Variants in RUNX1 observed in about 807,000 individuals in gnomAD.
The protein encoded by RUNX1 is RUNX family transcription factor 1, also known as runt-related transcription factor 1.
RUNX1 carries 19 observed loss-of-function variants against 42.8 expected under a neutral mutation model. The ratio of observed to expected loss-of-function variants is 0.44; its 90% CI spans 0.31 to 0.65. The LOEUF (loss-of-function observed/expected upper bound fraction) is 0.65, where lower values mean the gene tolerates loss of function less well. Ranked by LOEUF, RUNX1 falls within the 30% of genes least tolerant of loss-of-function variation. The probability of loss-of-function intolerance (pLI) is 0.07; values close to 1 mark genes in which losing one functional copy is unlikely to be tolerated. For missense variants in RUNX1, 528 were observed against 672.0 expected, an observed-to-expected ratio of 0.79 and a Z score of 2.37; for synonymous variants, 271 against 289.4, an observed-to-expected ratio of 0.94 and a Z score of 0.64.
At chr21:35,042,125 T>C (rs935784111) in intron 2 of RUNX1, among the ~76,000 whole-genome samples, 5 of 152,186 alleles carry the variant, frequency 3.3e-5, no homozygotes, top group Non-Finnish European at 7.3e-5. Context: ...TCATTCTAAC[T>C]TGAGGAGACG....
At chr21:35,036,082 G>A (rs917325279) in intron 2 of RUNX1, among the ~76,000 whole-genome samples, 5 of 152,088 alleles carry the variant, frequency 3.3e-5, no homozygotes, top group African/African-American at 1.2e-4. Context: ...GACAGAAGAG[G>A]GAGCAGGGAG....
At chr21:35,041,442 A>C (rs2236431) in intron 2 of RUNX1, among the ~76,000 whole-genome samples, 67,480 of 152,010 alleles carry the variant, frequency 0.44, 15,821 homozygotes, top group African/African-American at 0.56. Context: ...GTCTTGGGGA[A>C]CTCATTGTTT....
At chr21:34,845,980 GGGCA>G (rs2057308554) in intron 6 of RUNX1, among the ~76,000 whole-genome samples, 1 of 152,088 alleles carries the variant, frequency 6.6e-6, no homozygotes, top group Non-Finnish European at 1.5e-5. Context: ...AAGATAGGTA[GGGCA>G]GGTAATGCAG....
intron 2 of RUNX1, among the ~76,000 whole-genome samples, chr21:35,023,141 GC>G (rs1186393470): frequency 1.3e-5 from 2 of 151,860 alleles, no homozygotes; most frequent in Non-Finnish European, 2.9e-5. Flanking sequence ...ACAGGGTTTT[GC>G]CATGTTGCCC....
intron 7 of RUNX1, among the ~76,000 whole-genome samples, chr21:34,805,822 A>C (rs1315298005): frequency 6.6e-6 from 1 of 152,250 alleles, no homozygotes; most frequent in Non-Finnish European, 1.5e-5. Flanking sequence ...TTACAATAAT[A>C]GTAACAAAGT....
chr21:35,020,251 G>A (rs2059188801), intron 2 of RUNX1, among the ~76,000 whole-genome samples: 1 of 151,894 alleles, frequency 6.6e-6, no homozygotes, highest in African/African-American at 2.4e-5. Flanking sequence ...CAGAGGACCT[G>A]GTAATAAACA....
intron 2 of RUNX1, among the ~76,000 whole-genome samples, chr21:34,992,025 A>C (rs2058947411): frequency 2.0e-5 from 3 of 152,308 alleles, no homozygotes; most frequent in South Asian, 4.1e-4. Context: ...GCCTGCCAAC[A>C]CCTTGATTTT....
At chr21:35,039,698 T>TA (rs1035061395) in intron 2 of RUNX1, among the ~76,000 whole-genome samples, 4 of 152,140 alleles carry the variant, frequency 2.6e-5, no homozygotes, top group African/African-American at 4.8e-5. Flanking sequence ...AGCCTTTATT[T>TA]AAAAAAATGA....
At chr21:34,987,904 C>T (rs1180348020) in intron 2 of RUNX1, among the ~76,000 whole-genome samples, 3 of 152,198 alleles carry the variant, frequency 2.0e-5, no homozygotes, top group Non-Finnish European at 4.4e-5. Flanking sequence ...GGCTGATGAA[C>T]AACTCCCATC....
intron 2 of RUNX1, among the ~76,000 whole-genome samples, chr21:34,896,421 G>A (rs1258493807): frequency 1.3e-5 from 2 of 152,158 alleles, no homozygotes; most frequent in Non-Finnish European, 2.9e-5. Context: ...GGTGGCTAAC[G>A]CCTGTAATCC....
chr21:34,857,252 G>A (rs2057507302), intron 6 of RUNX1, among the ~76,000 whole-genome samples: 1 of 152,180 alleles, frequency 6.6e-6, no homozygotes, highest in East Asian at 1.9e-4. Flanking sequence ...TCTGCTCAGA[G>A]GGTGCTTCTC....
chr21:34,920,257 C>T (rs2058343956), intron 2 of RUNX1, among the ~76,000 whole-genome samples: 2 of 152,126 alleles, frequency 1.3e-5, no homozygotes, highest in Admixed American at 1.3e-4. Flanking sequence ...TCACTATTTT[C>T]TTATTCCACA....
At chr21:34,905,587 T>C (rs2058211903) in intron 2 of RUNX1, among the ~76,000 whole-genome samples, 1 of 152,248 alleles carries the variant, frequency 6.6e-6, no homozygotes, top group Non-Finnish European at 1.5e-5. Context: ...AAAACTTCTT[T>C]AGCCAGAATG....
chr21:34,821,694 C>T, intron 7 of RUNX1: 1 of 1,572,138 alleles, frequency 6.4e-7, no homozygotes, highest in African/African-American at 1.3e-5. Flanking sequence ...GCTGTGTCTT[C>T]CTCTGAGGGA....
chr21:35,023,784 T>C (rs1248314673), intron 2 of RUNX1, among the ~76,000 whole-genome samples: 2 of 152,144 alleles, frequency 1.3e-5, no homozygotes, highest in Non-Finnish European at 2.9e-5. Flanking sequence ...CACAAGTGGG[T>C]ACACAATTGA....
At chr21:34,903,642 T>G (rs1276025726) in intron 2 of RUNX1, among the ~76,000 whole-genome samples, 1 of 152,234 alleles carries the variant, frequency 6.6e-6, no homozygotes, top group Non-Finnish European at 1.5e-5. Flanking sequence ...TGCTGAGATA[T>G]CTACATTTGT....
rs568926221 is a variant in RUNX1 at position 35,033,850 on chromosome 21, A to C, written c.58+14992T>G. 5.9e-5 allele frequency among the ~76,000 whole-genome samples: 9 copies of C among 152,360 alleles called. No homozygotes were observed. The South Asian group carries it at 1.7e-3, about 28-fold the overall frequency. On this transcript the variant is annotated intron_variant, in intron 2 of 8. Transcript: ENST00000675419. ...TGATCCCCACTAGGAAAAGAGAAGG[A>C]AAATGAGTTATTCAAAATCAGGCAC...
intron 2 of RUNX1, among the ~76,000 whole-genome samples, chr21:35,042,502 C>T (rs1341324998): frequency 1.3e-5 from 2 of 152,218 alleles, no homozygotes; most frequent in Admixed American, 6.5e-5. Context: ...AAAGTGACAA[C>T]TCCATTGTCC....
chr21:34,952,708 A>G (rs916478874), intron 2 of RUNX1, among the ~76,000 whole-genome samples: 3 of 152,204 alleles, frequency 2.0e-5, no homozygotes, highest in Admixed American at 1.3e-4. Context: ...GACGTTTAAT[A>G]TAACCAAGAT....
Sources: gnomAD v4.1 joint callset for allele counts (sites outside exome capture counted in the v4.1 genomes callset) on GRCh38, gnomAD v4.1.1 for gene constraint, MANE v1.5 for transcripts, NCBI Gene and HGNC (gene_info 2026-07-23, HGNC 2026-07-21) for gene names.